HERC2: variants seen among roughly 807,000 people sequenced by gnomAD.
HERC2 encodes E3 ubiquitin-protein ligase HERC2.
Under a neutral mutation model 537.7 loss-of-function variants are expected in HERC2, and 102 were observed. That is an observed-to-expected ratio of 0.19 (90% CI 0.16 to 0.22). HERC2 has a LOEUF of 0.22. Ranked by LOEUF, HERC2 falls within the 10% of genes least tolerant of loss-of-function variation. The pLI is 1.00. For missense variants in HERC2, 4,236 were observed against 6,198.2 expected (o/e 0.68, Z 10.63); for synonymous variants, 2,224 against 2,466.2 (o/e 0.90, Z 2.91).
At position 28,163,248 on chromosome 15, in the gene HERC2, G is replaced by C; in HGVS notation, c.10592C>G (p.Pro3531Arg). Reference sequence around the variant, plus strand: ...ACTGGTGAACTCATCCAAGGCCTGAGGCTCCGGACCTGCTGCTTTATTTTG... The same window carrying C: ...ACTGGTGAACTCATCCAAGGCCTGACGCTCCGGACCTGCTGCTTTATTTTG... Reference protein sequence around the residue: ...ESQNKAAGPEPQALDEFTSLL... With the variant: ...ESQNKAAGPERQALDEFTSLL... The change falls in exon 69 of 93, where the codon CCT (proline) becomes CGT (arginine). Residue 3531 changes from proline (P) to arginine (R), a missense_variant. This residue lies in a region of HERC2 where 356 missense variants were observed against 450.9 expected (regional missense o/e 0.79). Coordinates refer to ENST00000261609, the MANE Select transcript of HERC2 (RefSeq NM_004667.6). 1.9e-6 allele frequency: 3 copies of C among 1,613,788 alleles called. No homozygotes were observed.
At chr15:28,183,860 T>C (rs1896048645) in intron 56 of HERC2, among the ~76,000 whole-genome samples, 1 of 152,192 alleles carries the variant, frequency 6.6e-6, no homozygotes, top group Admixed American at 6.5e-5. Flanking sequence ...AAGCACAAAA[T>C]ATTGAAATAT....
chr15:28,146,361 C>T lies in HERC2; in HGVS notation c.10901-17G>A. The stretch of plus-strand genomic sequence containing the variant: ...CTTCTGCACCTGAAGGACAGGCAAG[C>T]ACAAAACATAGCAACCACTCCAGAT... On this transcript the variant is annotated splice_polypyrimidine_tract_variant and intron_variant, in intron 70 of 92. Transcript: ENST00000261609. The T allele has an allele frequency of 3.2e-6, 5 of 1,576,592 alleles. No individual in the cohort carries two copies. The highest frequency in any genetic ancestry group is 4.4e-6 in the Non-Finnish European group (5 of 1,145,946).
intron 4 of HERC2, among the ~76,000 whole-genome samples, chr15:28,285,433 T>C (rs1237075784): frequency 6.6e-6 from 1 of 152,016 alleles, no homozygotes; most frequent in Non-Finnish European, 1.5e-5. Flanking sequence ...AACAATAAAC[T>C]TCTAAATAAT....
At chr15:28,282,851 G>A (rs759244436) in intron 4 of HERC2, among the ~76,000 whole-genome samples, 8 of 151,848 alleles carry the variant, frequency 5.3e-5, no homozygotes, top group African/African-American at 1.5e-4. Flanking sequence ...AGAATCATTC[G>A]AACTAGGGAG....
chr15:28,119,399 CAAAAAAAAAAAAAAAAA>C (rs201078187), intron 86 of HERC2, among the ~76,000 whole-genome samples: 2 of 133,928 alleles, frequency 1.5e-5, no homozygotes, highest in Admixed American at 6.9e-5. Flanking sequence ...GACTCCCTCT[CAAAAAAAAAAAAAAAAA>C]AAAAAAAAAA....
intron 7 of HERC2, among the ~76,000 whole-genome samples, 199 bp downstream of exon 7, chr15:28,274,092 T>C (rs1183924467): frequency 2.6e-5 from 4 of 152,228 alleles, no homozygotes; most frequent in Non-Finnish European, 4.4e-5. Flanking sequence ...CACAGCTTCC[T>C]GGGTCTAGTC....
At chr15:28,132,627 G>A (rs1890223060) in intron 80 of HERC2, 26 bp downstream of exon 80, 3 of 1,424,112 alleles carry the variant, frequency 2.1e-6, no homozygotes, top group Non-Finnish European at 2.8e-6. Flanking sequence ...TGCAGCCTCC[G>A]GCCTCTGCAC....
Position 28,144,115 on chromosome 15 carries a change from G to A in HERC2, c.11261C>T (p.Ala3754Val), listed in dbSNP as rs575646071. The part of the protein sequence containing the change: ...ASNRSIVPRL[A>V]ASLAACAQLS... ...CTGTGCACAAGCTGCCAGCGAGGCC[G>A]CAAGGCGAGGGACGATGCTTCTGTT... The change falls in exon 73 of 93, where the codon GCG (alanine) becomes GTG (valine). Residue 3754 changes from alanine to valine, a missense_variant. Physicochemically the swap from Ala to Val is moderately conservative, Grantham distance 64 (BLOSUM62 0). Transcript: ENST00000261609. 3 of 1,614,206 alleles carry A rather than the reference G, an allele frequency of 1.9e-6. No homozygotes were observed. The highest frequency in any genetic ancestry group is 1.1e-5 in the South Asian group (1 of 91,088).
At chr15:28,220,406 C>G (rs775132026) in intron 37 of HERC2, 46 bp downstream of exon 37, 5 of 1,555,318 alleles carry the variant, frequency 3.2e-6, no homozygotes, top group South Asian at 2.2e-5. Context: ...AGCACCTGGA[C>G]AGTTTGTGGG....
rs200545514 is a variant in HERC2, at chr15:28,246,023, G to C, written c.3435C>G (p.Leu1145=). The C allele has an allele frequency of 4.3e-6, 7 of 1,613,344 alleles. No individual in the cohort carries two copies. Among genetic ancestry groups the C allele is most frequent in the Non-Finnish European group, 5.9e-6 (7 of 1,179,560 alleles). The change falls in exon 23 of 93, where the codon CTC becomes CTG. Residue 1145 remains leucine (L), a synonymous_variant. Coordinates refer to ENST00000261609, the MANE Select transcript of HERC2 (RefSeq NM_004667.6). ...PELVVSIVLL[L]SKNAGLMQEA... Reference sequence around the variant, plus strand: ...CTTGCATGAGACCAGCATTTTTACTGAGCAGAAGCACTATAGAAACTACTA... The same window carrying C: ...CTTGCATGAGACCAGCATTTTTACTCAGCAGAAGCACTATAGAAACTACTA...
intron 37 of HERC2, 122 bp downstream of exon 37, chr15:28,220,330 C>G: frequency 1.1e-6 from 1 of 870,860 alleles, no homozygotes; most frequent in South Asian, 1.4e-5. Flanking sequence ...GCTCCGAGGA[C>G]AGAGCGCCAG....
chr15:28,211,634 C>T (rs1263706977), intron 43 of HERC2, among the ~76,000 whole-genome samples: 1 of 151,934 alleles, frequency 6.6e-6, no homozygotes, highest in Non-Finnish European at 1.5e-5. Flanking sequence ...CCGCAGGTGC[C>T]GCTCGGACAC....
chr15:28,145,164 A>G (rs2142272954), intron 71 of HERC2, among the ~76,000 whole-genome samples: 1 of 152,280 alleles, frequency 6.6e-6, no homozygotes, highest in South Asian at 2.1e-4. Context: ...CCATGGGGAC[A>G]TTTCCCGGGA....
At chr15:28,273,058 G>T in intron 7 of HERC2, 54 bp from the exon 8 acceptor site, 1 of 1,259,904 alleles carries the variant, frequency 7.9e-7, no homozygotes, top group Non-Finnish European at 1.2e-6. Flanking sequence ...AAGACAGCAT[G>T]CTTACAATCA....
chr15:28,158,377 CTT>C (rs966817722), intron 69 of HERC2, among the ~76,000 whole-genome samples: 2 of 152,162 alleles, frequency 1.3e-5, no homozygotes, highest in African/African-American at 4.8e-5. Flanking sequence ...GTCGAAGTCT[CTT>C]TGTGGGTCTC....
intron 10 of HERC2, among the ~76,000 whole-genome samples, chr15:28,269,885 G>A (rs958510398): frequency 4.6e-5 from 7 of 152,244 alleles, no homozygotes; most frequent in Admixed American, 6.5e-5. Context: ...CTGTGCATGT[G>A]CACGGGCACA....
At chr15:28,224,888 A>T (rs1310279216) in intron 35 of HERC2, among the ~76,000 whole-genome samples, 1 of 152,260 alleles carries the variant, frequency 6.6e-6, no homozygotes. Context: ...AACACACAGT[A>T]AACAACCAGT....
intron 2 of HERC2, among the ~76,000 whole-genome samples, chr15:28,314,863 G>GGAA (rs2077040354): frequency 7.0e-6 from 1 of 142,782 alleles, no homozygotes; most frequent in Non-Finnish European, 1.5e-5. Flanking sequence ...TCCCTCTCAG[G>GGAA]AAAAAAAAAA....
intron 5 of HERC2, among the ~76,000 whole-genome samples, chr15:28,279,715 A>T (rs2075973453): frequency 6.6e-6 from 1 of 152,062 alleles, no homozygotes; most frequent in Non-Finnish European, 1.5e-5. Context: ...CAGGTGGCTG[A>T]GGCGGGAGGA....
Sources: allele counts gnomAD v4.1 joint callset (sites outside exome capture counted in the v4.1 genomes callset), GRCh38; gene constraint gnomAD v4.1.1; regional missense constraint gnomAD v4.1.1; transcripts MANE v1.5; gene names NCBI Gene and HGNC (gene_info 2026-07-23, HGNC 2026-07-21).